The following CACNA2D3 variants were observed in gnomAD, a reference collection of about 807,000 sequenced individuals.
CACNA2D3 encodes calcium voltage-gated channel auxiliary subunit alpha2delta 3.
A neutral mutation model predicts 160.6 loss-of-function variants in CACNA2D3; 60 were observed. The observed-to-expected ratio is 0.37, with a 90% CI of 0.30 to 0.46. CACNA2D3 has a LOEUF of 0.46. Among genes scored for constraint, CACNA2D3 ranks in the 20% least tolerant of loss-of-function variants. The pLI is 1.00. For missense variants in CACNA2D3, 1,205 were observed against 1,365.0 expected (o/e 0.88, Z 1.85); for synonymous variants, 558 against 492.9 (o/e 1.13, Z -1.75).
rs1699828454 is a variant in CACNA2D3 at position 54,421,000 on chromosome 3, C to A, written c.381+34226C>A. Among the ~76,000 whole-genome samples, 4 of 152,178 alleles carry A rather than the reference C, an allele frequency of 2.6e-5. No homozygotes were observed. In the South Asian group the frequency reaches 8.3e-4, roughly 32 times the overall value. ...AGGTAGGCGGCTTTTCTGTTTTCTT[C>A]CTCTATTGGGTTACAGCATGGTGTC... On this transcript the variant is annotated intron_variant, in intron 4 of 37. Coordinates refer to ENST00000474759, the MANE Select transcript of CACNA2D3 (RefSeq NM_018398.3).
chr3:54,550,088 G>A lies in CACNA2D3; in HGVS notation c.545-12712G>A, dbSNP rs142582812. Among the ~76,000 whole-genome samples, 914 of 151,734 alleles carry A rather than the reference G, an allele frequency of 6.0e-3. 9 individuals carry two copies. Among genetic ancestry groups the A allele is most frequent in the African/African-American group, 0.021 (873 of 41,330 alleles). On this transcript the variant is annotated intron_variant, in intron 5 of 37. Coordinates refer to ENST00000474759, the MANE Select transcript of CACNA2D3 (RefSeq NM_018398.3). ...CCAGAATTGTTTCTTTTGTCCCCCC[G>A]CCCCCACAGAGCATAGGACAAGGCT...
intron 2 of CACNA2D3, among the ~76,000 whole-genome samples, chr3:54,270,892 C>T (rs1702609680): frequency 6.6e-6 from 1 of 152,218 alleles, no homozygotes; most frequent in African/African-American, 2.4e-5. Flanking sequence ...TCTCAAGCTT[C>T]AGCTTTCTCT....
In CACNA2D3 at chr3:54,477,520, G is replaced by T. The variant is rs1017635355; in HGVS notation, c.382-25972G>T. Among the ~76,000 whole-genome samples the T allele has an allele frequency of 8.5e-5, 13 of 152,194 alleles. No homozygotes were observed. In the East Asian group the frequency reaches 1.7e-3, roughly 20 times the overall value. On this transcript the variant is annotated intron_variant, in intron 4 of 37. Coordinates refer to ENST00000474759, the MANE Select transcript of CACNA2D3 (RefSeq NM_018398.3). ...CATTGACACAAACCAGAAATTTGGGGAGCATCTTTGACTTGCCATCTCCCT... is the reference window on the plus strand; with the variant it reads ...CATTGACACAAACCAGAAATTTGGGTAGCATCTTTGACTTGCCATCTCCCT...
At chr3:54,603,384 A>G (rs1428161489) in intron 9 of CACNA2D3, among the ~76,000 whole-genome samples, 1 of 152,168 alleles carries the variant, frequency 6.6e-6, no homozygotes. Flanking sequence ...CCATCTATCC[A>G]ACCCCTTTCT....
rs114962198 is a variant in CACNA2D3 at position 54,166,653 on chromosome 3, G to A, written c.204+43059G>A. ...TCACAATCATCTTAGTTAAAAAGGT[G>A]TTAGTGATGCTATTGCCTGTGTGGT... On this transcript the variant is annotated intron_variant, in intron 2 of 37. Coordinates refer to ENST00000474759, the MANE Select transcript of CACNA2D3 (RefSeq NM_018398.3). Among the ~76,000 whole-genome samples the A allele has an allele frequency of 9.7e-3, 1,474 of 152,276 alleles. 24 individuals are homozygous for A. Among genetic ancestry groups the A allele is most frequent in the African/African-American group, 0.034 (1,396 of 41,546 alleles).
chr3:54,448,356 A>G (rs1014353419), intron 4 of CACNA2D3, among the ~76,000 whole-genome samples: 3 of 152,324 alleles, frequency 2.0e-5, no homozygotes, highest in South Asian at 2.1e-4. Flanking sequence ...GAGCAGCAGG[A>G]GGAGCCATCT....
chr3:54,600,483 A>C (rs142906705), intron 9 of CACNA2D3, among the ~76,000 whole-genome samples: 1 of 152,298 alleles, frequency 6.6e-6, no homozygotes, highest in African/African-American at 2.4e-5. Flanking sequence ...TTCATTGAAC[A>C]GCCAGCTGGG....
intron 4 of CACNA2D3, among the ~76,000 whole-genome samples, chr3:54,487,653 A>G (rs917385756): frequency 2.6e-5 from 4 of 152,232 alleles, no homozygotes; most frequent in African/African-American, 7.2e-5. Context: ...AATGGAGGAG[A>G]TAGACAGAAA....
rs557369453 is a variant in CACNA2D3 at position 54,993,586 on chromosome 3, T to G, written c.2690+5833T>G. ...TTCAAAAAACAGGTAAAGAAAGAAA[T>G]CTTTACTGAAGGATGAAAATGTGGC... On this transcript the variant is annotated intron_variant, in intron 31 of 37. Transcript: ENST00000474759. Among the ~76,000 whole-genome samples, 3 of 152,096 alleles carry G rather than the reference T, an allele frequency of 2.0e-5. No homozygotes were observed. The East Asian group carries it at 5.8e-4, about 29-fold the overall frequency.
intron 11 of CACNA2D3, among the ~76,000 whole-genome samples, chr3:54,651,838 G>A (rs1219724383): frequency 6.6e-6 from 1 of 152,146 alleles, no homozygotes; most frequent in South Asian, 2.1e-4. Context: ...TGATAGTTCT[G>A]TGGGGCATGT....
At chr3:54,640,172 G>A (rs1339775587) in intron 10 of CACNA2D3, among the ~76,000 whole-genome samples, 1 of 152,230 alleles carries the variant, frequency 6.6e-6, no homozygotes, top group African/African-American at 2.4e-5. Flanking sequence ...CATAGGGGAT[G>A]CGATGGCTTG....
intron 3 of CACNA2D3, among the ~76,000 whole-genome samples, chr3:54,348,760 G>A (rs549370008): frequency 1.3e-5 from 2 of 152,030 alleles, no homozygotes; most frequent in Non-Finnish European, 2.9e-5. Context: ...ACGGAGTCTC[G>A]CTCTGTCACC....
chr3:54,463,686 A>C (rs534505053), intron 4 of CACNA2D3, among the ~76,000 whole-genome samples: 65 of 152,260 alleles, frequency 4.3e-4, no homozygotes, highest in African/African-American at 1.5e-3. Flanking sequence ...TTTTTAATCA[A>C]AGTTTTTAAC....
intron 2 of CACNA2D3, among the ~76,000 whole-genome samples, chr3:54,259,826 G>A (rs73089625): frequency 0.014 from 2,207 of 152,366 alleles, 33 homozygotes; most frequent in Non-Finnish European, 0.025. Flanking sequence ...TCTGAGAAGA[G>A]TGACAAAATT....
intron 5 of CACNA2D3, among the ~76,000 whole-genome samples, chr3:54,552,943 G>A (rs1319434603): frequency 6.6e-6 from 1 of 152,142 alleles, no homozygotes; most frequent in African/African-American, 2.4e-5. Context: ...CATTCACCAG[G>A]GAATGAAGCC....
intron 34 of CACNA2D3, among the ~76,000 whole-genome samples, chr3:55,017,969 G>C (rs1703363550): frequency 6.6e-6 from 1 of 152,284 alleles, no homozygotes; most frequent in Middle Eastern, 3.4e-3. Context: ...TAGAATTCTT[G>C]TGATGCATAA....
intron 4 of CACNA2D3, among the ~76,000 whole-genome samples, chr3:54,413,337 A>T (rs1181877456): frequency 6.7e-6 from 1 of 149,738 alleles, no homozygotes; most frequent in Non-Finnish European, 1.5e-5. Context: ...TTTTCTCATT[A>T]TGTTTGATTT....
At chr3:54,939,459 C>T (rs1575392797) in intron 27 of CACNA2D3, among the ~76,000 whole-genome samples, 1 of 152,296 alleles carries the variant, frequency 6.6e-6, no homozygotes, top group Non-Finnish European at 1.5e-5. Context: ...AAAAGAAGGG[C>T]CAAGACATTC....
chr3:54,566,878 T>A (rs1414575513), intron 6 of CACNA2D3, among the ~76,000 whole-genome samples: 1 of 152,122 alleles, frequency 6.6e-6, no homozygotes, highest in Non-Finnish European at 1.5e-5. Context: ...TCTCCATAAG[T>A]TTGGACTCAT....
Sources: allele counts gnomAD v4.1 joint callset (sites outside exome capture counted in the v4.1 genomes callset), GRCh38; gene constraint gnomAD v4.1.1; transcripts MANE v1.5; gene names NCBI Gene and HGNC (gene_info 2026-07-23, HGNC 2026-07-21).